The following AKAP13 variants were observed in gnomAD, a reference collection of about 807,000 sequenced individuals.
AKAP13 encodes A-kinase anchor protein 13.
A neutral mutation model predicts 264.5 loss-of-function variants in AKAP13; 80 were observed. The observed-to-expected ratio is 0.30, with a 90% confidence interval of 0.25 to 0.36. AKAP13 has a LOEUF of 0.36. Ranked by LOEUF, AKAP13 falls within the 10% of genes least tolerant of loss-of-function variation. The pLI is 1.00. For missense variants in AKAP13, 3,712 were observed against 3,435.2 expected, an observed-to-expected ratio of 1.08 and a Z score of -2.01; for synonymous variants, 1,380 against 1,250.2, an observed-to-expected ratio of 1.10 and a Z score of -2.19.
rs59852934 is a variant in AKAP13, at chr15:85,630,166, TACAC to T, written c.4162-9168_4162-9165del. ...TCTCTATTCTCTGTTTTTTAACACATACACACACACACACACACACACACACACA... is the reference window on the plus strand; with the variant it reads ...TCTCTATTCTCTGTTTTTTAACACATACACACACACACACACACACACACA... On this transcript the variant is annotated intron_variant, in intron 8 of 36. Transcript: ENST00000394518. Among the ~76,000 whole-genome samples, 864 of 100,140 alleles carry T rather than the reference TACAC, an allele frequency of 8.6e-3. 11 individuals carry two copies. Among genetic ancestry groups the T allele is most frequent in the South Asian group, 0.021 (60 of 2,864 alleles). The allele number at this position is 100,140 out of a possible 152,430, so 65.7% of individuals were successfully genotyped here. A position where few individuals can be genotyped will look rare whatever the true frequency, so the allele number is the denominator to read the frequency against.
intron 7 of AKAP13, among the ~76,000 whole-genome samples, chr15:85,584,507 T>C (rs2079258121): frequency 6.6e-6 from 1 of 152,230 alleles, no homozygotes; most frequent in South Asian, 2.1e-4. Flanking sequence ...GGGATAGTTC[T>C]AAGGGGATTG....
In AKAP13 at chr15:85,740,258, C is replaced by T; in HGVS notation, c.7594C>T (p.Leu2532Phe). Residue 2532 changes from leucine to phenylalanine, a missense_variant, in exon 34 of 37, where the codon CTC becomes TTC. This residue lies in a region of AKAP13 where 611 missense variants were observed against 539.3 expected (regional missense o/e 1.13). Transcript: ENST00000394518. ...VQSVVHLYELLSALQGVVLQQ... is the reference protein window; with the variant it reads ...VQSVVHLYELFSALQGVVLQQ... Reference sequence around the variant, plus strand: ...GAGCGTTGTTCATCTCTACGAGCTCCTCAGCGCTCTGCAGGTGCGTGCCTT... The same window carrying T: ...GAGCGTTGTTCATCTCTACGAGCTCTTCAGCGCTCTGCAGGTGCGTGCCTT... The T allele has an allele frequency of 6.2e-7, 1 of 1,614,128 alleles. No homozygotes were observed. The highest frequency in any genetic ancestry group is 1.1e-5 in the South Asian group (1 of 91,080).
intron 7 of AKAP13, 142 bp downstream of exon 7, chr15:85,582,249 C>A: frequency 1.1e-6 from 1 of 929,362 alleles, no homozygotes; most frequent in African/African-American, 1.7e-5. Flanking sequence ...TAATAGTCAC[C>A]ACCATCAGGA....
intron 14 of AKAP13, among the ~76,000 whole-genome samples, chr15:85,675,907 T>C (rs2084199832): frequency 6.7e-6 from 1 of 149,932 alleles, no homozygotes; most frequent in Admixed American, 6.6e-5. Context: ...AGAGATTGGA[T>C]CAGTAGAAGG....
intron 8 of AKAP13, among the ~76,000 whole-genome samples, chr15:85,605,536 C>T (rs2080285135): frequency 2.0e-5 from 3 of 152,120 alleles, no homozygotes; most frequent in African/African-American, 7.2e-5. Context: ...GGCTTAATAC[C>T]TGGGTTGATG....
At chr15:85,470,845 C>G (rs1305040901) in intron 1 of AKAP13, among the ~76,000 whole-genome samples, 1 of 152,142 alleles carries the variant, frequency 6.6e-6, no homozygotes, top group African/African-American at 2.4e-5. Context: ...TGCAGTATCT[C>G]AGGAACATTC....
At chr15:85,601,028 T>G (rs1440695049) in intron 8 of AKAP13, among the ~76,000 whole-genome samples, 1 of 152,254 alleles carries the variant, frequency 6.6e-6, no homozygotes, top group Non-Finnish European at 1.5e-5. Flanking sequence ...TTCTAAAATA[T>G]CCATGTACTT....
chr15:85,431,843 C>T (rs1295359890), intron 1 of AKAP13, among the ~76,000 whole-genome samples: 1 of 152,144 alleles, frequency 6.6e-6, no homozygotes, highest in Non-Finnish European at 1.5e-5. Context: ...ATCAACTCTA[C>T]GATATAATCT....
chr15:85,473,389 C>T (rs2075038087), intron 1 of AKAP13, among the ~76,000 whole-genome samples: 1 of 152,146 alleles, frequency 6.6e-6, no homozygotes, highest in Non-Finnish European at 1.5e-5. Flanking sequence ...TAATTCAATT[C>T]AGCAAATATT....
chr15:85,519,478 A>G (rs1163706379), intron 2 of AKAP13, among the ~76,000 whole-genome samples: 1 of 152,186 alleles, frequency 6.6e-6, no homozygotes, highest in Non-Finnish European at 1.5e-5. Flanking sequence ...GGCTGTGAGG[A>G]TATTTCAGTA....
rs2079144680 is a variant in AKAP13, at chr15:85,581,708, G to A, written c.3640G>A (p.Glu1214Lys). 6.2e-7 allele frequency: 1 copy of A among 1,614,012 alleles called. No homozygotes were observed. Among genetic ancestry groups the A allele is most frequent in the Non-Finnish European group, 8.5e-7 (1 of 1,180,028 alleles). The change falls in exon 7 of 37, where the codon GAA becomes AAA. Residue 1214 changes from glutamate (E) to lysine (K), a missense_variant. Glu to Lys is a moderately conservative substitution (Grantham distance 56). Transcript: ENST00000394518. ...TGATGGGGCCCCAGCTGGTGTGAGG[G>A]AAGTCATGCGAGCCCCGCCTTCAGG... The part of the protein sequence containing the change: ...HDDGAPAGVR[E>K]VMRAPPSGRE...
chr15:85,421,587 G>A (rs930253898), intron 1 of AKAP13, among the ~76,000 whole-genome samples: 7 of 152,224 alleles, frequency 4.6e-5, no homozygotes, highest in Admixed American at 2.6e-4. Context: ...GCGCGTGTGC[G>A]CGCGCGCCTG....
chr15:85,572,522 T>C (rs1371940974), intron 5 of AKAP13, among the ~76,000 whole-genome samples: 1 of 152,220 alleles, frequency 6.6e-6, no homozygotes, highest in African/African-American at 2.4e-5. Context: ...CATATGCCAT[T>C]CTTATTTTAA....
At chr15:85,389,552 C>G (rs979340249) in intron 1 of AKAP13, among the ~76,000 whole-genome samples, 3 of 152,140 alleles carry the variant, frequency 2.0e-5, no homozygotes, top group African/African-American at 4.8e-5. Context: ...AGCTGAAGTC[C>G]TTTGGGTGAG....
At chr15:85,623,103 A>G (rs1032050682) in intron 8 of AKAP13, among the ~76,000 whole-genome samples, 1 of 152,172 alleles carries the variant, frequency 6.6e-6, no homozygotes, top group Admixed American at 6.5e-5. Flanking sequence ...ATTTTCTATC[A>G]GTGTTTTAAA....
At chr15:85,656,636 G>A (rs1174624000) in intron 11 of AKAP13, among the ~76,000 whole-genome samples, 1 of 152,094 alleles carries the variant, frequency 6.6e-6, no homozygotes, top group Non-Finnish European at 1.5e-5. Context: ...TTTTAGTAGA[G>A]ACAGGGTTTC....
Position 85,704,265 on chromosome 15 carries a change from G to A in AKAP13, c.5465-3754G>A, listed in dbSNP as rs112397341. 2.6e-3 allele frequency among the ~76,000 whole-genome samples: 403 copies of A among 152,256 alleles called. 1 individual carries two copies. Among genetic ancestry groups the A allele is most frequent in the African/African-American group, 9.4e-3 (391 of 41,548 alleles). On this transcript the variant is annotated intron_variant, in intron 17 of 36. Coordinates refer to ENST00000394518, the MANE Select transcript of AKAP13 (RefSeq NM_007200.5). ...ATGACTCAGCTCCCAAAGGTGGCTC[G>A]TTTCTGTGTAGGCAGTCCTTTGATA...
At chr15:85,449,050 A>G (rs1319781707) in intron 1 of AKAP13, among the ~76,000 whole-genome samples, 1 of 151,638 alleles carries the variant, frequency 6.6e-6, no homozygotes, top group Non-Finnish European at 1.5e-5. Flanking sequence ...ATGTTTTTCC[A>G]TTTGTTTGTG....
At position 85,515,679 on chromosome 15, in the gene AKAP13, A is replaced by AT. The variant is rs1435013059; in HGVS notation, c.34-5742dup. Among the ~76,000 whole-genome samples the AT allele has an allele frequency of 5.1e-5, 7 of 137,866 alleles. 2 individuals carry two copies. Among genetic ancestry groups the AT allele is most frequent in the Admixed American group, 3.6e-4 (5 of 13,706 alleles). 90.4% of individuals were successfully genotyped at this position (137,866 alleles called of 152,430 possible). A position where few individuals can be genotyped will look rare whatever the true frequency, so the allele number is the denominator to read the frequency against. On this transcript the variant is annotated intron_variant, in intron 2 of 36. Transcript: ENST00000394518. The stretch of plus-strand genomic sequence containing the variant: ...GACATTTTCTGAAGAGTTACAGACC[A>AT]TTTTTTTACATAGATGCCCCTTCAA...
Sources: gnomAD v4.1 joint callset for allele counts (sites outside exome capture counted in the v4.1 genomes callset) on GRCh38, gnomAD v4.1.1 for gene constraint, gnomAD v4.1.1 regional missense constraint, MANE v1.5 for transcripts, NCBI Gene and HGNC (gene_info 2026-07-23, HGNC 2026-07-21) for gene names.